RSRC1: variants seen among roughly 807,000 people sequenced by gnomAD.
RSRC1 encodes the protein arginine and serine rich coiled-coil 1.
RSRC1 carries 39 observed loss-of-function variants against 49.1 expected under a neutral mutation model. That is an observed-to-expected ratio of 0.79 (90% CI 0.61 to 1.04). RSRC1 has a LOEUF of 1.04. Among genes scored for constraint, RSRC1 ranks in the 50% least tolerant of loss-of-function variants. The pLI is 0.00. For synonymous variants in RSRC1, 143 were observed against 130.8 expected (o/e 1.09, Z -0.63); for missense variants, 388 against 402.4 (o/e 0.96, Z 0.31).
At chr3:158,358,791 A>G (rs1202766258) in intron 6 of RSRC1, among the ~76,000 whole-genome samples, 3 of 151,794 alleles carry the variant, frequency 2.0e-5, no homozygotes, top group Non-Finnish European at 4.4e-5. Flanking sequence ...GACAACCACC[A>G]TTCTCCCTCT....
intron 4 of RSRC1, among the ~76,000 whole-genome samples, chr3:158,217,676 G>A (rs1246104174): frequency 1.3e-5 from 2 of 150,958 alleles, no homozygotes; most frequent in Non-Finnish European, 3.0e-5. Flanking sequence ...GCCAGGCACT[G>A]GGTTGTGTCT....
chr3:158,161,144 A>G (rs1298200104), intron 3 of RSRC1, among the ~76,000 whole-genome samples: 1 of 152,120 alleles, frequency 6.6e-6, no homozygotes, highest in Non-Finnish European at 1.5e-5. Flanking sequence ...TGCATAGTAA[A>G]CCATTTCAAA....
intron 6 of RSRC1, among the ~76,000 whole-genome samples, chr3:158,360,870 G>T (rs1180737441): frequency 5.3e-5 from 8 of 152,226 alleles, no homozygotes; most frequent in Non-Finnish European, 7.3e-5. Context: ...GCTCAGGAGG[G>T]CAGGGCTGCT....
intron 6 of RSRC1, among the ~76,000 whole-genome samples, chr3:158,358,807 C>T (rs1284787870): frequency 6.6e-6 from 1 of 151,764 alleles, no homozygotes; most frequent in Non-Finnish European, 1.5e-5. Context: ...CCTCTGTCTC[C>T]GTTTGTCTAT....
At chr3:158,295,635 T>G (rs1727194044) in intron 4 of RSRC1, among the ~76,000 whole-genome samples, 1 of 152,074 alleles carries the variant, frequency 6.6e-6, no homozygotes, top group East Asian at 1.9e-4. Context: ...GGCCCTATGG[T>G]TGATTACATT....
chr3:158,420,837 A>G (rs1363778808), intron 6 of RSRC1, among the ~76,000 whole-genome samples: 1 of 151,882 alleles, frequency 6.6e-6, no homozygotes, highest in African/African-American at 2.4e-5. Flanking sequence ...TATGCAGACA[A>G]CTCTGTTAGA....
intron 6 of RSRC1, among the ~76,000 whole-genome samples, chr3:158,436,539 C>T (rs1373329808): frequency 5.9e-5 from 9 of 151,876 alleles, no homozygotes; most frequent in Non-Finnish European, 1.2e-4. Context: ...TATACAATTT[C>T]TCGGAAATAT....
At chr3:158,146,433 A>C (rs1717122834) in intron 3 of RSRC1, among the ~76,000 whole-genome samples, 1 of 152,162 alleles carries the variant, frequency 6.6e-6, no homozygotes, top group African/African-American at 2.4e-5. Flanking sequence ...GATTACGTTT[A>C]TTGATTTGCG....
intron 7 of RSRC1, among the ~76,000 whole-genome samples, chr3:158,516,141 G>A (rs558372578): frequency 6.6e-6 from 1 of 152,356 alleles, no homozygotes; most frequent in South Asian, 2.1e-4. Context: ...TTGCTGGTGA[G>A]GAACTGCGTT....
At chr3:158,282,590 A>G (rs1726246383) in intron 4 of RSRC1, among the ~76,000 whole-genome samples, 1 of 152,206 alleles carries the variant, frequency 6.6e-6, no homozygotes, top group Admixed American at 6.5e-5. Context: ...AACTTGGGAC[A>G]TTTGCAAAGA....
chr3:158,144,065 T>C (rs561475218), intron 3 of RSRC1, among the ~76,000 whole-genome samples: 6 of 152,330 alleles, frequency 3.9e-5, no homozygotes, highest in African/African-American at 1.4e-4. Context: ...ATACATAGAT[T>C]TTATTTTTAA....
At chr3:158,354,992 A>T in intron 6 of RSRC1, 84 bp downstream of exon 6, 1 of 825,396 alleles carries the variant, frequency 1.2e-6, no homozygotes, top group Non-Finnish European at 1.8e-6. Flanking sequence ...ATGAGTAAAA[A>T]AAAAAACACT....
At chr3:158,467,986 T>C (rs1467173340) in intron 7 of RSRC1, among the ~76,000 whole-genome samples, 1 of 152,194 alleles carries the variant, frequency 6.6e-6, no homozygotes, top group Non-Finnish European at 1.5e-5. Context: ...CAGGCTGGAG[T>C]GCAGTAGCAC....
At chr3:158,406,102 G>A (rs7652970) in intron 6 of RSRC1, among the ~76,000 whole-genome samples, 32,936 of 151,850 alleles carry the variant, frequency 0.22, 4,160 homozygotes, top group Non-Finnish European at 0.29. Flanking sequence ...AAGACATTTT[G>A]AAATCTGCAA....
At chr3:158,342,479 C>G (rs1466268665) in intron 5 of RSRC1, among the ~76,000 whole-genome samples, 2 of 152,124 alleles carry the variant, frequency 1.3e-5, no homozygotes, top group Admixed American at 6.5e-5. Context: ...GTAAGAAGTG[C>G]CTTTCACTTC....
intron 5 of RSRC1, among the ~76,000 whole-genome samples, chr3:158,352,911 T>C (rs1230716570): frequency 2.0e-5 from 3 of 152,226 alleles, no homozygotes; most frequent in African/African-American, 7.2e-5. Context: ...GTAGACAGTT[T>C]ATGACTTTTA....
At chr3:158,209,489 A>C (rs1559943953) in intron 4 of RSRC1, among the ~76,000 whole-genome samples, 2 of 152,250 alleles carry the variant, frequency 1.3e-5, no homozygotes, top group East Asian at 3.9e-4. Flanking sequence ...CACAGAATGC[A>C]CCAAGACACC....
intron 7 of RSRC1, among the ~76,000 whole-genome samples, chr3:158,528,680 G>A (rs1283171307): frequency 6.6e-6 from 1 of 151,878 alleles, no homozygotes; most frequent in Non-Finnish European, 1.5e-5. Flanking sequence ...ACAGCAAACA[G>A]CAACTGCAGA....
chr3:158,293,831 A>G (rs1015239378), intron 4 of RSRC1, among the ~76,000 whole-genome samples: 3 of 152,014 alleles, frequency 2.0e-5, no homozygotes, highest in African/African-American at 4.8e-5. Context: ...GTAACACTTT[A>G]TCTTGAGAGT....
Sources: allele counts gnomAD v4.1 joint callset (sites outside exome capture counted in the v4.1 genomes callset), GRCh38; gene constraint gnomAD v4.1.1; transcripts MANE v1.5; gene names NCBI Gene and HGNC (gene_info 2026-07-23, HGNC 2026-07-21).